Variants in ASCC3 observed in about 807,000 individuals in gnomAD.
ASCC3 encodes the protein ASC-1 complex subunit P200.
ASCC3 carries 158 observed loss-of-function variants against 256.3 expected under a neutral mutation model. That is an observed-to-expected ratio of 0.62 (90% CI 0.54 to 0.70). The LOEUF (loss-of-function observed/expected upper bound fraction) is 0.70. Among genes scored for constraint, ASCC3 ranks in the 30% least tolerant of loss-of-function variants. The probability of loss-of-function intolerance (pLI) is 0.00; values close to 1 mark genes in which losing one functional copy is unlikely to be tolerated. For missense variants in ASCC3, 2,259 were observed against 2,626.0 expected (o/e 0.86, Z 3.05); for synonymous variants, 948 against 883.4 (o/e 1.07, Z -1.30).
chr6:100,801,904 A>T (rs1769934942), intron 5 of ASCC3, among the ~76,000 whole-genome samples: 2 of 150,432 alleles, frequency 1.3e-5, no homozygotes, highest in South Asian at 4.3e-4. Context: ...AAATGTATTT[A>T]TCAGAAATGA....
intron 25 of ASCC3, among the ~76,000 whole-genome samples, chr6:100,635,211 A>G (rs975789292): frequency 1.4e-4 from 22 of 152,038 alleles, no homozygotes; most frequent in Admixed American, 1.2e-3. Flanking sequence ...ATATATATAT[A>G]TGTGATATAT....
chr6:100,621,442 C>A (rs1773946442), intron 30 of ASCC3, among the ~76,000 whole-genome samples: 1 of 152,054 alleles, frequency 6.6e-6, no homozygotes, highest in Non-Finnish European at 1.5e-5. Flanking sequence ...TGAACAGATA[C>A]TTCTCAAAAG....
intron 13 of ASCC3, among the ~76,000 whole-genome samples, chr6:100,681,097 G>T (rs1223870505): frequency 6.6e-6 from 1 of 151,984 alleles, no homozygotes; most frequent in Non-Finnish European, 1.5e-5. Flanking sequence ...AACTTGTCAA[G>T]GTAAGTGTTC....
At chr6:100,831,307 A>G (rs1005988169) in intron 4 of ASCC3, among the ~76,000 whole-genome samples, 1 of 151,618 alleles carries the variant, frequency 6.6e-6, no homozygotes, top group Non-Finnish European at 1.5e-5. Flanking sequence ...TTCATACTTT[A>G]ATGCAACTCT....
rs542133330 is a variant in ASCC3 at position 100,730,861 on chromosome 6, T to C, written c.1738-5158A>G. On this transcript the variant is annotated intron_variant, in intron 10 of 41. Transcript: ENST00000369162. Reference sequence around the variant, plus strand: ...TTCCCTTCTCTCCCATCAATTCACATGCACGAATGCACGCTCACACACATA... The same window carrying C: ...TTCCCTTCTCTCCCATCAATTCACACGCACGAATGCACGCTCACACACATA... Among the ~76,000 whole-genome samples, 7 of 152,304 alleles carry C rather than the reference T, an allele frequency of 4.6e-5. No individual in the cohort carries two copies. The South Asian group carries it at 1.2e-3, about 27-fold the overall frequency.
intron 14 of ASCC3, among the ~76,000 whole-genome samples, chr6:100,673,142 C>T (rs1245301089): frequency 6.6e-6 from 1 of 151,948 alleles, no homozygotes; most frequent in Non-Finnish European, 1.5e-5. Context: ...TATGGGCTGT[C>T]CTGACTATTA....
At chr6:100,810,855 A>C (rs1770428829) in intron 4 of ASCC3, among the ~76,000 whole-genome samples, 1 of 152,176 alleles carries the variant, frequency 6.6e-6, no homozygotes, top group African/African-American at 2.4e-5. Flanking sequence ...CTAAATCTAC[A>C]TTAAGATTCC....
chr6:100,810,463 CTAAT>C (rs1397200898), intron 4 of ASCC3, among the ~76,000 whole-genome samples: 1 of 152,056 alleles, frequency 6.6e-6, no homozygotes, highest in Non-Finnish European at 1.5e-5. Context: ...ATGGCAAGTG[CTAAT>C]TAATTAAGAT....
intron 28 of ASCC3, 31 bp from the exon 29 acceptor site, chr6:100,627,741 C>T: frequency 3.1e-6 from 5 of 1,610,278 alleles, no homozygotes; most frequent in Middle Eastern, 1.7e-4. Flanking sequence ...AAACCATTTT[C>T]AATTTTTATA....
chr6:100,555,482 A>G (rs1769526299), intron 36 of ASCC3, among the ~76,000 whole-genome samples: 1 of 152,166 alleles, frequency 6.6e-6, no homozygotes, highest in South Asian at 2.1e-4. Flanking sequence ...TTCCAATATA[A>G]GAAGGACCAC....
At chr6:100,828,810 G>A (rs9498401) in intron 4 of ASCC3, among the ~76,000 whole-genome samples, 3,102 of 152,108 alleles carry the variant, frequency 0.02, 40 homozygotes, top group East Asian at 0.045. Context: ...TGCAAAGAGC[G>A]AAAGAACAAA....
chr6:100,826,661 G>A (rs1375668978), intron 4 of ASCC3, among the ~76,000 whole-genome samples: 1 of 152,032 alleles, frequency 6.6e-6, no homozygotes, highest in Admixed American at 6.6e-5. Flanking sequence ...AAAAACTGCA[G>A]GATAAAGAAT....
chr6:100,846,860 A>G (rs1224146556), intron 4 of ASCC3, among the ~76,000 whole-genome samples: 1 of 152,050 alleles, frequency 6.6e-6, no homozygotes, highest in African/African-American at 2.4e-5. Context: ...AATACCTATG[A>G]TATTTCAGTA....
intron 14 of ASCC3, among the ~76,000 whole-genome samples, chr6:100,677,759 GAA>G (rs11363096): frequency 1.4e-5 from 2 of 143,930 alleles, no homozygotes; most frequent in African/African-American, 5.1e-5. Flanking sequence ...CATTCTTCTT[GAA>G]AAAAAAAAGT....
At chr6:100,759,630 G>A (rs1245567342) in intron 10 of ASCC3, among the ~76,000 whole-genome samples, 1 of 152,114 alleles carries the variant, frequency 6.6e-6, no homozygotes, top group African/African-American at 2.4e-5. Flanking sequence ...GATTGTCTTG[G>A]CTATCCAGGG....
intron 16 of ASCC3, among the ~76,000 whole-genome samples, chr6:100,660,278 C>A (rs752001250): frequency 2.6e-5 from 4 of 151,564 alleles, no homozygotes; most frequent in Non-Finnish European, 5.9e-5. Context: ...AGTTACATAT[C>A]ACTCTCTGGA....
chr6:100,625,064 A>G (rs1774157303), intron 30 of ASCC3, 128 bp downstream of exon 30: 5 of 1,020,752 alleles, frequency 4.9e-6, no homozygotes, highest in Non-Finnish European at 7.3e-6. Flanking sequence ...CAGAATATTA[A>G]TAGTGTGGTA....
intron 24 of ASCC3, among the ~76,000 whole-genome samples, chr6:100,641,885 C>T (rs1456169008): frequency 6.6e-6 from 1 of 151,962 alleles, no homozygotes; most frequent in Non-Finnish European, 1.5e-5. Context: ...AAGCTGGAAA[C>T]CATCATTCTC....
intron 3 of ASCC3, among the ~76,000 whole-genome samples, chr6:100,855,773 TATTA>T (rs1296394144): frequency 5.9e-5 from 9 of 152,306 alleles, no homozygotes; most frequent in East Asian, 1.9e-4. Flanking sequence ...ATAATAAAAT[TATTA>T]ATTGACAGCC....
Sources: gnomAD v4.1 joint callset for allele counts (sites outside exome capture counted in the v4.1 genomes callset) on GRCh38, gnomAD v4.1.1 for gene constraint, MANE v1.5 for transcripts, NCBI Gene and HGNC (gene_info 2026-07-23, HGNC 2026-07-21) for gene names.